The following IMPA2 variants were observed in gnomAD, a reference collection of about 807,000 sequenced individuals.
The protein encoded by IMPA2 is IMP 2.
A neutral mutation model predicts 35.1 loss-of-function variants in IMPA2; 32 were observed. The ratio of observed to expected loss-of-function variants is 0.91; its 90% CI spans 0.69 to 1.23. The LOEUF (loss-of-function observed/expected upper bound fraction) is 1.23, where lower values mean the gene tolerates loss of function less well. Ranked by LOEUF, IMPA2 falls within the 50% of genes most tolerant of loss-of-function variation. IMPA2 has a pLI of 0.00. For missense variants in IMPA2, 334 were observed against 387.6 expected (o/e 0.86, Z 1.16); for synonymous variants, 135 against 160.6 (o/e 0.84, Z 1.20).
At chr18:11,996,516 C>T (rs960605422) in intron 1 of IMPA2, among the ~76,000 whole-genome samples, 1 of 152,180 alleles carries the variant, frequency 6.6e-6, no homozygotes, top group African/African-American at 2.4e-5. Context: ...CCACTGTCTT[C>T]TCAGATGGTG....
intron 1 of IMPA2, among the ~76,000 whole-genome samples, chr18:11,984,179 T>C (rs1019254512): frequency 6.6e-6 from 1 of 152,190 alleles, no homozygotes; most frequent in African/African-American, 2.4e-5. Context: ...ACTGCTTCCA[T>C]TTCCCCTCTG....
At chr18:12,022,551 A>ATATATATATATATATATATAT in intron 5 of IMPA2, among the ~76,000 whole-genome samples, 1 of 136,522 alleles carries the variant, frequency 7.3e-6, no homozygotes, top group South Asian at 2.2e-4. Context: ...ATATATATAT[A>ATATATATATATATATATATAT]TATATTTGTG....
At chr18:12,017,512 TG>T in intron 5 of IMPA2, 1 of 305,972 alleles carries the variant, frequency 3.3e-6, no homozygotes, top group Non-Finnish European at 6.3e-6. Context: ...GTCTGCGTTC[TG>T]GGGGGACTTC....
At chr18:12,027,093 T>C (rs1907900703) in intron 5 of IMPA2, among the ~76,000 whole-genome samples, 1 of 152,232 alleles carries the variant, frequency 6.6e-6, no homozygotes, top group Non-Finnish European at 1.5e-5. Context: ...ATAGGATTTG[T>C]TTCCCCCGAC....
intron 7 of IMPA2, 26 bp from the exon 8 acceptor site, chr18:12,030,317 G>GCCTCTCTGGTAA: frequency 6.4e-7 from 1 of 1,569,626 alleles, no homozygotes; most frequent in Non-Finnish European, 8.8e-7. Flanking sequence ...TAACCCGGAT[G>GCCTCTCTGGTAA]CCTGGCTCTC....
At chr18:12,023,448 A>G (rs1333072447) in intron 5 of IMPA2, among the ~76,000 whole-genome samples, 1 of 152,192 alleles carries the variant, frequency 6.6e-6, no homozygotes, top group African/African-American at 2.4e-5. Context: ...TGTTTCTTGC[A>G]CACAAATTAA....
chr18:11,996,015 AACAG>A (rs1412488227), intron 1 of IMPA2, among the ~76,000 whole-genome samples: 1 of 152,138 alleles, frequency 6.6e-6, no homozygotes, highest in African/African-American at 2.4e-5. Context: ...TCAACAACAA[AACAG>A]ACAGGAAGGA....
intron 5 of IMPA2, among the ~76,000 whole-genome samples, chr18:12,025,477 G>A (rs997842553): frequency 6.6e-6 from 1 of 152,242 alleles, no homozygotes; most frequent in Non-Finnish European, 1.5e-5. Flanking sequence ...GCACCATTTT[G>A]CATTTCCACC....
chr18:12,000,741 G>C (rs1220955081), intron 2 of IMPA2, among the ~76,000 whole-genome samples: 1 of 149,966 alleles, frequency 6.7e-6, no homozygotes, highest in Non-Finnish European at 1.5e-5. Flanking sequence ...TCAGCCTCCT[G>C]AGTAGCTGGG....
In IMPA2 at chr18:12,022,877, C is replaced by T. The variant is rs370504110; in HGVS notation, c.491-5166C>T. ...GCAACCTCTGCCTCCCAGGTTCAAGCAATTCTTGTGCTTTAGCCTCTCCAG... is the reference window on the plus strand; with the variant it reads ...GCAACCTCTGCCTCCCAGGTTCAAGTAATTCTTGTGCTTTAGCCTCTCCAG... On this transcript the variant is annotated intron_variant, in intron 5 of 7. Transcript: ENST00000269159. 4.7e-4 allele frequency among the ~76,000 whole-genome samples: 71 copies of T among 149,514 alleles called. 1 individual carries two copies. The South Asian group carries it at 0.015, about 31-fold the overall frequency.
chr18:12,001,446 A>T (rs1598691037), intron 2 of IMPA2, among the ~76,000 whole-genome samples: 1 of 152,120 alleles, frequency 6.6e-6, no homozygotes, highest in South Asian at 2.1e-4. Context: ...GGCTTGGAGG[A>T]GATGCAGGAT....
chr18:12,028,498 G>T, intron 6 of IMPA2: 1 of 432,412 alleles, frequency 2.3e-6, no homozygotes. Flanking sequence ...TTTGTCTCTT[G>T]CCTTCCCAGT....
intron 1 of IMPA2, chr18:11,994,392 CAG>C (rs1906899733): frequency 1.3e-5 from 2 of 152,268 alleles, no homozygotes; most frequent in African/African-American, 4.8e-5. Context: ...AAAATAACAA[CAG>C]AGCATAACAC....
At chr18:12,001,371 C>T (rs1433029055) in intron 2 of IMPA2, among the ~76,000 whole-genome samples, 2 of 152,122 alleles carry the variant, frequency 1.3e-5, no homozygotes, top group Non-Finnish European at 2.9e-5. Context: ...CTAGAGGTTT[C>T]TGCGGTGATG....
At chr18:12,023,641 G>A (rs1398119095) in intron 5 of IMPA2, among the ~76,000 whole-genome samples, 3 of 152,156 alleles carry the variant, frequency 2.0e-5, no homozygotes, top group Non-Finnish European at 2.9e-5. Context: ...TTAAGAGTAG[G>A]TGCTTATCTC....
intron 1 of IMPA2, among the ~76,000 whole-genome samples, chr18:11,983,982 A>T (rs1906581449): frequency 6.6e-6 from 1 of 152,074 alleles, no homozygotes; most frequent in Admixed American, 6.5e-5. Context: ...GGGCCCCCAG[A>T]TGCTCACCCT....
intron 5 of IMPA2, among the ~76,000 whole-genome samples, chr18:12,022,267 C>T (rs973151861): frequency 3.9e-5 from 6 of 151,970 alleles, no homozygotes; most frequent in African/African-American, 1.2e-4. Flanking sequence ...CCCGGTGGCT[C>T]ACGCCTGTAA....
chr18:12,003,565 C>T (rs533405193), intron 2 of IMPA2, among the ~76,000 whole-genome samples: 5 of 150,624 alleles, frequency 3.3e-5, no homozygotes, highest in Non-Finnish European at 5.9e-5. Flanking sequence ...ACAGGAGAAT[C>T]GCTTGAACCT....
intron 2 of IMPA2, among the ~76,000 whole-genome samples, chr18:11,999,518 T>C (rs968220087): frequency 6.6e-6 from 1 of 152,268 alleles, no homozygotes; most frequent in African/African-American, 2.4e-5. Context: ...ACTAGAAGTG[T>C]GACCCACCCT....
Sources: gnomAD v4.1 joint callset for allele counts (sites outside exome capture counted in the v4.1 genomes callset) on GRCh38, gnomAD v4.1.1 for gene constraint, MANE v1.5 for transcripts, NCBI Gene and HGNC (gene_info 2026-07-23, HGNC 2026-07-21) for gene names.